Variants in INPP5B observed in about 807,000 individuals in gnomAD.
INPP5B encodes type II inositol 1,4,5-trisphosphate 5-phosphatase.
A neutral mutation model predicts 118.5 loss-of-function variants in INPP5B; 90 were observed. That is an observed-to-expected ratio of 0.76 (90% CI 0.64 to 0.90). The LOEUF (loss-of-function observed/expected upper bound fraction) is 0.90. Ranked by LOEUF, INPP5B falls within the 40% of genes least tolerant of loss-of-function variation. The pLI, the probability that INPP5B is intolerant of heterozygous loss-of-function variation, is 0.00. For synonymous variants in INPP5B, 385 were observed against 418.9 expected, an observed-to-expected ratio of 0.92 and a Z score of 0.99; for missense variants, 984 against 1,125.6, an observed-to-expected ratio of 0.87 and a Z score of 1.80.
intron 2 of INPP5B, 140 bp from the exon 3 acceptor site, chr1:37,945,990 A>C: frequency 1.3e-6 from 1 of 745,664 alleles, no homozygotes; most frequent in Non-Finnish European, 2.2e-6. Context: ...TGCTGAACTA[A>C]CAGACAAACA....
chr1:37,938,550 A>G (rs1460499914), intron 6 of INPP5B, among the ~76,000 whole-genome samples: 1 of 152,166 alleles, frequency 6.6e-6, no homozygotes, highest in Non-Finnish European at 1.5e-5. Context: ...TACAAAAACT[A>G]AAGTTCAGAG....
Position 37,940,745 on chromosome 1 carries a change from G to T in INPP5B, c.334C>A (p.Leu112Met), listed in dbSNP as rs1438781651. 6.2e-7 allele frequency: 1 copy of T among 1,614,090 alleles called. No individual in the cohort carries two copies. Among genetic ancestry groups the T allele is most frequent in the Admixed American group, 1.7e-5 (1 of 60,024 alleles). ...ATCCTGGTTTGTGAACCAAAGGGCAGTTGGAATACGAGGCTAAGCTCTGCT... is the reference window on the plus strand; with the variant it reads ...ATCCTGGTTTGTGAACCAAAGGGCATTTGGAATACGAGGCTAAGCTCTGCT... ...DTAELSLVFQ[L>M]PFGSQTRMFL... The change falls in exon 6 of 24, where the codon CTG becomes ATG. Residue 112 changes from leucine (L) to methionine (M), a missense_variant. Leu to Met is a conservative substitution (Grantham distance 15). This residue lies in a region of INPP5B where 350 missense variants were observed against 334.6 expected (regional missense o/e 1.05). Coordinates refer to ENST00000373024, the MANE Select transcript of INPP5B (RefSeq NM_005540.3).
chr1:37,921,440 T>C (rs1350182661), intron 7 of INPP5B, among the ~76,000 whole-genome samples: 1 of 152,258 alleles, frequency 6.6e-6, no homozygotes, highest in East Asian at 1.9e-4. Flanking sequence ...CCAAATTGTT[T>C]TGTTACTTTC....
chr1:37,917,164 C>T (rs1312974959), intron 7 of INPP5B, among the ~76,000 whole-genome samples: 3 of 148,204 alleles, frequency 2.0e-5, no homozygotes, highest in African/African-American at 7.5e-5. Context: ...TGGTGGGCGC[C>T]GATAATCCCA....
At chr1:37,898,803 T>C (rs1644221800) in intron 7 of INPP5B, among the ~76,000 whole-genome samples, 1 of 152,052 alleles carries the variant, frequency 6.6e-6, no homozygotes, top group Non-Finnish European at 1.5e-5. Flanking sequence ...GTCTAACCTA[T>C]ATCACAAAGG....
intron 6 of INPP5B, among the ~76,000 whole-genome samples, chr1:37,939,590 G>T (rs995390360): frequency 6.7e-6 from 1 of 149,932 alleles, no homozygotes; most frequent in Non-Finnish European, 1.5e-5. Flanking sequence ...GACTATAGGC[G>T]CCCGCCACCA....
chr1:37,887,456 C>T lies in INPP5B; in HGVS notation c.909G>A (p.Glu303=). Residue 303 remains glutamate (E), a synonymous_variant, in exon 11 of 24, where the codon GAG becomes GAA. Transcript: ENST00000373024. ...AAAAAGCTTCCTTACTCAGATCAAG[C>T]TCCTGGAACCTATTTTGAGAAGCAA... is the stretch of plus-strand genomic sequence containing the variant. ...APDVYCVGFQ[E]LDLSKEAFFF... is the part of the protein sequence containing the mutation. 6.3e-7 allele frequency: 1 copy of T among 1,593,144 alleles called. No homozygotes were observed.
At chr1:37,868,678 TG>T in intron 19 of INPP5B, 64 bp from the exon 20 acceptor site, 1 of 1,020,064 alleles carries the variant, frequency 9.8e-7, no homozygotes, top group South Asian at 1.3e-5. Context: ...ATGCATGGCA[TG>T]GGGACAGCAA....
rs865884736 is a variant in INPP5B, at chr1:37,912,612, G to A, written c.532+19301C>T. ...ATGCCCTGCCCTTGTTTACACTGCTGGTTTACGCTTTTCCTCCAAACCATT... is the reference window on the plus strand; with the variant it reads ...ATGCCCTGCCCTTGTTTACACTGCTAGTTTACGCTTTTCCTCCAAACCATT... On this transcript the variant is annotated intron_variant, in intron 7 of 23. Coordinates refer to ENST00000373024, the MANE Select transcript of INPP5B (RefSeq NM_005540.3). 2.6e-5 allele frequency among the ~76,000 whole-genome samples: 4 copies of A among 152,040 alleles called. No individual in the cohort carries two copies. In the South Asian group the frequency reaches 6.2e-4, roughly 24 times the overall value.
chr1:37,872,085 A>T (rs1642485737), intron 19 of INPP5B, among the ~76,000 whole-genome samples: 1 of 136,510 alleles, frequency 7.3e-6, no homozygotes. Flanking sequence ...AAAAAAAAAA[A>T]GCCAGGCGCG....
At chr1:37,866,011 C>G (rs1387976298) in intron 21 of INPP5B, 123 bp from the exon 22 acceptor site, 2 of 1,470,602 alleles carry the variant, frequency 1.4e-6, no homozygotes, top group Non-Finnish European at 1.8e-6. Context: ...GGCTAGGATG[C>G]CAGCCTAACT....
intron 7 of INPP5B, among the ~76,000 whole-genome samples, chr1:37,895,711 C>T (rs1389210657): frequency 1.3e-5 from 2 of 152,164 alleles, no homozygotes; most frequent in East Asian, 1.9e-4. Flanking sequence ...GACGGGGATT[C>T]GCTGTGTTGG....
chr1:37,922,888 C>T (rs1645105591), intron 7 of INPP5B, among the ~76,000 whole-genome samples: 1 of 152,170 alleles, frequency 6.6e-6, no homozygotes, highest in South Asian at 2.1e-4. Context: ...AATTACTTTA[C>T]GGCAACAGGT....
intron 7 of INPP5B, among the ~76,000 whole-genome samples, chr1:37,918,941 TTG>T (rs1487054873): frequency 1.3e-5 from 2 of 152,150 alleles, no homozygotes; most frequent in Non-Finnish European, 2.9e-5. Flanking sequence ...GCTTCATGCA[TTG>T]TGTCTGATTA....
intron 12 of INPP5B, 46 bp from the exon 13 acceptor site, chr1:37,885,871 T>A: frequency 6.3e-7 from 1 of 1,575,610 alleles, no homozygotes; most frequent in Non-Finnish European, 8.7e-7. Flanking sequence ...CTTAATTGTG[T>A]CAGTCACTTA....
At chr1:37,900,769 C>A in intron 7 of INPP5B, among the ~76,000 whole-genome samples, 1 of 151,552 alleles carries the variant, frequency 6.6e-6, no homozygotes, top group Non-Finnish European at 1.5e-5. Flanking sequence ...GCTGGGACTA[C>A]AGGTAGATGC....
Position 37,931,380 on chromosome 1 carries a change from G to A in INPP5B, c.532+533C>T. The A allele has an allele frequency of 2.9e-6, 4 of 1,377,816 alleles. No individual in the cohort carries two copies. The South Asian group carries it at 4.1e-5, about 14-fold the overall frequency. The allele number at this position is 1,377,816 out of a possible 1,614,324, so 85.3% of individuals were successfully genotyped here. ...TCAGATGGAGCAACAGGCCCAGAGA[G>A]GGGCAGCGAGTGGCCCGAGGTCACA... On this transcript the variant is annotated intron_variant, in intron 7 of 23. Transcript: ENST00000373024.
intron 16 of INPP5B, 62 bp downstream of exon 16, chr1:37,878,126 G>C: frequency 6.3e-7 from 1 of 1,575,926 alleles, no homozygotes. Context: ...ACAAGAAATG[G>C]TCTTAGTTGT....
At chr1:37,906,919 T>TC (rs1644522306) in intron 7 of INPP5B, among the ~76,000 whole-genome samples, 1 of 151,760 alleles carries the variant, frequency 6.6e-6, no homozygotes, top group Admixed American at 6.6e-5. Flanking sequence ...TCTAGTCTCA[T>TC]CAGTTGTGTT....
Sources: gnomAD v4.1 joint callset for allele counts (sites outside exome capture counted in the v4.1 genomes callset) on GRCh38, gnomAD v4.1.1 for gene constraint, gnomAD v4.1.1 regional missense constraint, MANE v1.5 for transcripts, NCBI Gene and HGNC (gene_info 2026-07-23, HGNC 2026-07-21) for gene names.